The following CTTNBP2 variants were observed in gnomAD, a reference collection of about 807,000 sequenced individuals.
CTTNBP2 encodes cortactin binding protein 2, also known as cortactin-binding protein 2.
In CTTNBP2, 108 loss-of-function variants were observed where a neutral mutation model predicts 156.9. That is an observed-to-expected ratio of 0.69 (90% confidence interval 0.59 to 0.81). CTTNBP2 has a LOEUF of 0.81. Ranked by LOEUF, CTTNBP2 falls within the 30% of genes least tolerant of loss-of-function variation. The pLI, the probability that CTTNBP2 is intolerant of heterozygous loss-of-function variation, is 0.00. For synonymous variants in CTTNBP2, 767 were observed against 751.8 expected, an observed-to-expected ratio of 1.02 and a Z score of -0.33; for missense variants, 1,924 against 2,035.4, an observed-to-expected ratio of 0.95 and a Z score of 1.05.
At chr7:117,817,227 G>C (rs950820634) in intron 2 of CTTNBP2, among the ~76,000 whole-genome samples, 71 of 149,910 alleles carry the variant, frequency 4.7e-4, no homozygotes, top group African/African-American at 1.6e-3. Flanking sequence ...CCAGCTACTC[G>C]AGAGGCTGAG....
At chr7:117,827,038 T>G (rs1334569205) in intron 2 of CTTNBP2, among the ~76,000 whole-genome samples, 1 of 152,042 alleles carries the variant, frequency 6.6e-6, no homozygotes, top group Non-Finnish European at 1.5e-5. Flanking sequence ...TTCATAATTT[T>G]AGCACAGACA....
chr7:117,770,493 C>T (rs1797742772), intron 8 of CTTNBP2, among the ~76,000 whole-genome samples: 2 of 152,210 alleles, frequency 1.3e-5, no homozygotes, highest in South Asian at 4.1e-4. Flanking sequence ...GCTACAACAA[C>T]TATTTGAGCA....
chr7:117,796,965 T>C (rs1422747524), intron 3 of CTTNBP2, among the ~76,000 whole-genome samples: 3 of 152,210 alleles, frequency 2.0e-5, no homozygotes, highest in Non-Finnish European at 1.5e-5. Flanking sequence ...TTAAAGGCTC[T>C]TGAGAGCAAT....
intron 8 of CTTNBP2, among the ~76,000 whole-genome samples, chr7:117,773,686 CACACACACACACACACACACA>C (rs1562992355): frequency 6.6e-4 from 100 of 150,414 alleles, no homozygotes; most frequent in African/African-American, 2.4e-3. Context: ...CACACACACA[CACACACACACACACACACACA>C]CCCCAAAAAA....
At chr7:117,761,812 T>G (rs1797232984) in intron 9 of CTTNBP2, among the ~76,000 whole-genome samples, 2 of 152,202 alleles carry the variant, frequency 1.3e-5, no homozygotes, top group Admixed American at 1.3e-4. Context: ...ACTAAAGACC[T>G]CTATCTAAAC....
chr7:117,719,033 C>T (rs919049777), intron 21 of CTTNBP2, among the ~76,000 whole-genome samples: 1 of 152,050 alleles, frequency 6.6e-6, no homozygotes, highest in Non-Finnish European at 1.5e-5. Context: ...CCTGTCTCTA[C>T]TAAAAAGTCC....
At chr7:117,729,392 G>A (rs1050400295) in intron 16 of CTTNBP2, among the ~76,000 whole-genome samples, 2 of 152,148 alleles carry the variant, frequency 1.3e-5, no homozygotes, top group African/African-American at 2.4e-5. Flanking sequence ...CCAATAAATA[G>A]ACTTTCTAGT....
intron 8 of CTTNBP2, among the ~76,000 whole-genome samples, chr7:117,767,752 T>G (rs1395968430): frequency 2.0e-5 from 3 of 152,206 alleles, no homozygotes; most frequent in Non-Finnish European, 4.4e-5. Context: ...GATGTTGAAG[T>G]TATGCTACCT....
chr7:117,860,926 G>A (rs890645677), intron 2 of CTTNBP2, among the ~76,000 whole-genome samples: 1 of 152,080 alleles, frequency 6.6e-6, no homozygotes, highest in Non-Finnish European at 1.5e-5. Context: ...AAATAAACAT[G>A]TGAAACATAA....
chr7:117,725,077 C>A lies in CTTNBP2; in HGVS notation c.4236G>T (p.Leu1412=). Residue 1412 remains leucine (L), a synonymous_variant, in exon 18 of 23, where the codon CTG becomes CTT. Transcript: ENST00000160373. ...ALSILLNKAV[L]HGCPLPRAEL... ...CTGCTCTGGGGAGGGGACAGCCATG[C>A]AGTACAGCTTTATTTAGCAAGATGC... 1 of 1,612,602 alleles carries A rather than the reference C, an allele frequency of 6.2e-7. No homozygotes were observed. The highest frequency in any genetic ancestry group is 8.5e-7 in the Non-Finnish European group (1 of 1,180,018).
intron 22 of CTTNBP2, chr7:117,714,395 C>T (rs1259367759): frequency 1.3e-5 from 2 of 152,186 alleles, no homozygotes; most frequent in African/African-American, 2.4e-5. Flanking sequence ...AAATGCAACA[C>T]ATACGTAGTA....
At position 117,711,597 on chromosome 7, in the gene CTTNBP2, G is replaced by T; in HGVS notation, c.4932C>A (p.Asn1644Lys). ...SNTRQIEINNNSKEVNWNLHK... is the reference protein window; with the variant it reads ...SNTRQIEINNKSKEVNWNLHK... ...GTAAGTTCCAATTCACTTCTTTTGA[G>T]TTGTTGTTGATTTCTATTTGCCTTG... The change falls in exon 23 of 23, where the codon AAC becomes AAA. Residue 1644 changes from asparagine to lysine, a missense_variant. Transcript: ENST00000160373. 1.9e-6 allele frequency: 3 copies of T among 1,613,828 alleles called. No homozygotes were observed. Among genetic ancestry groups the T allele is most frequent in the Non-Finnish European group, 2.5e-6 (3 of 1,179,836 alleles).
At chr7:117,850,364 A>AAAAC (rs769313297) in intron 2 of CTTNBP2, among the ~76,000 whole-genome samples, 29 of 152,246 alleles carry the variant, frequency 1.9e-4, no homozygotes, top group Non-Finnish European at 3.5e-4. Context: ...TTCTTAAAAC[A>AAAAC]AAACAAACAA....
At chr7:117,824,586 G>C (rs995581230) in intron 2 of CTTNBP2, among the ~76,000 whole-genome samples, 2 of 152,196 alleles carry the variant, frequency 1.3e-5, no homozygotes, top group African/African-American at 4.8e-5. Flanking sequence ...GTACTGTGAT[G>C]CTCATTTTAA....
In CTTNBP2 at chr7:117,724,585, G is replaced by C. The variant is rs1417321819; in HGVS notation, c.4409C>G (p.Ser1470Cys). 1 of 1,613,924 alleles carries C rather than the reference G, an allele frequency of 6.2e-7. No individual in the cohort carries two copies. The highest frequency in any genetic ancestry group is 8.5e-7 in the Non-Finnish European group (1 of 1,180,028). Residue 1470 changes from serine to cysteine, a missense_variant, in exon 19 of 23, where the codon TCT becomes TGT. Transcript: ENST00000160373. ...GTCTGGCTTATTCCAGGTGGGTAAA[G>C]AGAAGCGGCCAGACTTCCTGCGAGG... ...TSPRRKSGRF[S>C]LPTWNKPDLS...
chr7:117,844,450 A>G (rs537179679), intron 2 of CTTNBP2, among the ~76,000 whole-genome samples: 2 of 152,328 alleles, frequency 1.3e-5, no homozygotes, highest in African/African-American at 4.8e-5. Flanking sequence ...TATGGGAGAA[A>G]AGGAGAAATC....
chr7:117,803,426 G>A (rs1799745471), intron 3 of CTTNBP2, among the ~76,000 whole-genome samples: 1 of 152,008 alleles, frequency 6.6e-6, no homozygotes, highest in South Asian at 2.1e-4. Flanking sequence ...CTACCTATTG[G>A]GTACTATGCT....
At chr7:117,848,198 T>C (rs970372857) in intron 2 of CTTNBP2, among the ~76,000 whole-genome samples, 2 of 152,142 alleles carry the variant, frequency 1.3e-5, no homozygotes, top group Non-Finnish European at 2.9e-5. Flanking sequence ...GCAAATGTTA[T>C]GAGATCAAGC....
chr7:117,786,023 T>C (rs1798685750), intron 4 of CTTNBP2, among the ~76,000 whole-genome samples: 1 of 152,204 alleles, frequency 6.6e-6, no homozygotes, highest in African/African-American at 2.4e-5. Context: ...GTCATATTAA[T>C]ACATATGTAA....
Sources: allele counts gnomAD v4.1 joint callset (sites outside exome capture counted in the v4.1 genomes callset), GRCh38; gene constraint gnomAD v4.1.1; transcripts MANE v1.5; gene names NCBI Gene and HGNC (gene_info 2026-07-23, HGNC 2026-07-21).